TBX1: variants seen among roughly 807,000 people sequenced by gnomAD.
TBX1 encodes T-box transcription factor TBX1.
In TBX1, 16 loss-of-function variants were observed where a neutral mutation model predicts 40.8. The observed-to-expected ratio is 0.39, with a 90% CI of 0.27 to 0.60. TBX1 has a LOEUF of 0.60. Ranked by LOEUF, TBX1 falls within the 20% of genes least tolerant of loss-of-function variation. TBX1 has a pLI of 0.51. For missense variants in TBX1, 755 were observed against 728.5 expected (o/e 1.04, Z -0.42); for synonymous variants, 403 against 336.8 (o/e 1.20, Z -2.15).
chr22:19,783,394 T>C, downstream of TBX1: 1 of 339,036 alleles, frequency 2.9e-6, no homozygotes, highest in Non-Finnish European at 5.8e-6. Flanking sequence ...CCAGGCCACC[T>C]GCACAGCTGG....
At chr22:19,763,451 G>C (rs1936733167) in intron 2 of TBX1, 109 bp downstream of exon 2, 4 of 984,982 alleles carry the variant, frequency 4.1e-6, no homozygotes, top group Non-Finnish European at 6.3e-6. Flanking sequence ...AAACTCTTTA[G>C]GCACCTGCGA....
chr22:19,765,977 G>A lies in TBX1; in HGVS notation c.1011G>A (p.Pro337=). Residue 337 remains proline, a synonymous_variant, in exon 6 of 7, where the codon CCG becomes CCA. Coordinates refer to ENST00000649276, the MANE Select transcript of TBX1 (RefSeq NM_001379200.1). ...FARSRNPVAS[P]TQPSGTEKDA... is the part of the protein sequence containing the mutation. ...GCTCGCGGAACCCCGTGGCTTCCCC[G>A]ACGCAGCCCAGCGGCACGGAGAAAG... is the stretch of plus-strand genomic sequence containing the variant. 2.0e-6 allele frequency: 3 copies of A among 1,515,680 alleles called. No individual in the cohort carries two copies. The highest frequency in any genetic ancestry group is 2.7e-5 in the East Asian group (1 of 37,536). 93.9% of individuals were successfully genotyped at this position (1,515,680 alleles called of 1,614,324 possible). A position where few individuals can be genotyped will look rare whatever the true frequency, so the allele number is the denominator to read the frequency against.
intron 8 of TBX1, among the ~76,000 whole-genome samples, chr22:19,774,239 G>C (rs191558592): frequency 1.6e-4 from 24 of 152,258 alleles, no homozygotes; most frequent in African/African-American, 5.3e-4. Context: ...GAAGCAGGAG[G>C]ACTGCTTGAA....
rs5993826 is a variant in TBX1 at position 19,779,387 on chromosome 22, G to C, written c.1177G>C (p.Ala393Pro). 1.9e-6 allele frequency: 3 copies of C among 1,614,196 alleles called. No homozygotes were observed. The South Asian group carries it at 3.3e-5, about 18-fold the overall frequency. ...CCAGGGCCTGGTGGCTGGGAGGACC[G>C]CAGGTGACCGTCTTTGTTGAATGCT... Residue 393 changes from alanine to proline, a missense_variant, in exon 9 of 9, where the codon GCA becomes CCA. Transcript: ENST00000329705.
chr22:19,759,573 G>C, upstream of TBX1: 1 of 1,593,402 alleles, frequency 6.3e-7, no homozygotes, highest in South Asian at 1.1e-5. Context: ...GCGGCGGAGC[G>C]CACCGCCCAC....
At position 19,761,111 on chromosome 22, in the gene TBX1, A is replaced by C. The variant is rs1936644737; in HGVS notation, c.268A>C (p.Ser90Arg). Residue 90 changes from serine to arginine, a missense_variant, in exon 1 of 7, where the codon AGC becomes CGC. By Grantham distance (110) the Ser-to-Arg change is moderately radical. This residue lies in a region of TBX1 where 199 missense variants were observed against 173.0 expected (regional missense o/e 1.15). Coordinates refer to ENST00000649276, the MANE Select transcript of TBX1 (RefSeq NM_001379200.1). Reference protein sequence around the residue: ...PFAPAAGAATSAAAEPEGPGA... With the variant: ...PFAPAAGAATRAAAEPEGPGA... ...TGCGCCGGCCGCCGGGGCCGCCACC[A>C]GCGCCGCCGCCGAGCCCGAGGGCCC... 1 of 1,227,840 alleles carries C rather than the reference A, an allele frequency of 8.1e-7. No homozygotes were observed. The highest frequency in any genetic ancestry group is 1.0e-6 in the Non-Finnish European group (1 of 971,422). The allele number at this position is 1,227,840 out of a possible 1,614,324, so 76.1% of individuals were successfully genotyped here.
intron 4 of TBX1, 130 bp from the exon 5 acceptor site, chr22:19,765,628 G>C (rs1011029672): frequency 1.0e-6 from 1 of 1,000,298 alleles, no homozygotes; most frequent in Non-Finnish European, 1.5e-6. Flanking sequence ...GGGCAGACGT[G>C]GACTGGTTCT....
chr22:19,773,340 G>A (rs1185903673), intron 8 of TBX1, among the ~76,000 whole-genome samples: 2 of 152,244 alleles, frequency 1.3e-5, no homozygotes, highest in African/African-American at 4.8e-5. Context: ...GAAATGGGCC[G>A]CCAGGAGGTG....
downstream of TBX1, among the ~76,000 whole-genome samples, chr22:19,768,760 G>A (rs1211962057): frequency 1.3e-5 from 2 of 152,064 alleles, no homozygotes; most frequent in Admixed American, 1.3e-4. Context: ...CTAAAGGGAG[G>A]AAAAGCCCTC....
intron 8 of TBX1, among the ~76,000 whole-genome samples, chr22:19,772,965 C>G (rs1937012274): frequency 6.6e-6 from 1 of 152,200 alleles, no homozygotes; most frequent in Non-Finnish European, 1.5e-5. Flanking sequence ...CCTGTCGCCT[C>G]AGGCTGGTGG....
chr22:19,767,147 G>A lies in TBX1; in HGVS notation c.*280G>A, dbSNP rs1936891256. 3 of 1,242,990 alleles carry A rather than the reference G, an allele frequency of 2.4e-6. No homozygotes were observed. Among genetic ancestry groups the A allele is most frequent in the South Asian group, 5.2e-5 (2 of 38,362 alleles). 77.0% of individuals were successfully genotyped at this position (1,242,990 alleles called of 1,614,324 possible). On this transcript the variant is annotated 3_prime_UTR_variant, in exon 7 of 7. Transcript: ENST00000649276. ...CCGCCCGCCAGTGCCAAAGCGCCCGGTCGGAGGCGGAAGGAAGTGATATTT... is the reference window on the plus strand; with the variant it reads ...CCGCCCGCCAGTGCCAAAGCGCCCGATCGGAGGCGGAAGGAAGTGATATTT...
rs753011413 is a variant in TBX1 at position 19,766,644 on chromosome 22, C to T, written c.1292C>T (p.Ala431Val). ...HHHPYKYPAA[A>V]YDHYLGAKSR... ...CACCCCTACAAATATCCGGCCGCCG[C>T]CTACGACCACTATCTCGGGGCCAAG... The change falls in exon 7 of 7, where the codon GCC becomes GTC. Residue 431 changes from alanine to valine, a missense_variant. Ala to Val is a moderately conservative substitution (Grantham distance 64). This residue lies in a region of TBX1 where 412 missense variants were observed against 317.6 expected (regional missense o/e 1.30). Coordinates refer to ENST00000649276, the MANE Select transcript of TBX1 (RefSeq NM_001379200.1). 6.4e-7 allele frequency: 1 copy of T among 1,553,776 alleles called. No individual in the cohort carries two copies. The highest frequency in any genetic ancestry group is 1.2e-5 in the South Asian group (1 of 86,400).
chr22:19,779,901 A>G (rs1313783997), downstream of TBX1, among the ~76,000 whole-genome samples: 2 of 152,206 alleles, frequency 1.3e-5, no homozygotes, highest in Admixed American at 6.5e-5. Flanking sequence ...AGGCGGAGGC[A>G]CCACGGTGAG....
downstream of TBX1, among the ~76,000 whole-genome samples, chr22:19,768,953 C>CTTTTTTTT (rs36085623): frequency 3.3e-3 from 218 of 66,116 alleles, 25 homozygotes; most frequent in African/African-American, 7.6e-3. Flanking sequence ...TGTTCGCATT[C>CTTTTTTTT]TTTTTTTTTT....
At chr22:19,757,813 C>G (rs1936520719), upstream of TBX1, among the ~76,000 whole-genome samples, 1 of 152,208 alleles carries the variant, frequency 6.6e-6, no homozygotes, top group Non-Finnish European at 1.5e-5. Context: ...CCCTGGGTCC[C>G]CTCAGTGACA....
chr22:19,782,150 T>G (rs1937148611), downstream of TBX1, among the ~76,000 whole-genome samples: 1 of 152,244 alleles, frequency 6.6e-6, no homozygotes, highest in Non-Finnish European at 1.5e-5. Flanking sequence ...TCCTTGAGAC[T>G]CCATATGAAT....
chr22:19,760,006 CAGA>C (rs544790923), upstream of TBX1, among the ~76,000 whole-genome samples: 82 of 152,094 alleles, frequency 5.4e-4, 1 homozygote, highest in South Asian at 0.017. Flanking sequence ...GAGAGTTTCA[CAGA>C]AGGAGAGAAA....
At chr22:19,769,684 C>A (rs530011509), downstream of TBX1, among the ~76,000 whole-genome samples, 11 of 152,220 alleles carry the variant, frequency 7.2e-5, no homozygotes, top group Non-Finnish European at 1.6e-4. Flanking sequence ...GGCCTGGCTT[C>A]CAGCAGCTTC....
chr22:19,764,126 A>G (rs1601289110), intron 2 of TBX1, 29 bp from the exon 3 acceptor site: 2 of 1,611,918 alleles, frequency 1.2e-6, no homozygotes, highest in African/African-American at 2.7e-5. Context: ...TCACCTCCAC[A>G]TGCACGACCC....
Sources: gnomAD v4.1 joint callset for allele counts (sites outside exome capture counted in the v4.1 genomes callset) on GRCh38, gnomAD v4.1.1 for gene constraint, gnomAD v4.1.1 regional missense constraint, MANE v1.5 for transcripts, NCBI Gene and HGNC (gene_info 2026-07-23, HGNC 2026-07-21) for gene names.